The following EPHA6 variants were observed in gnomAD, a reference collection of about 807,000 sequenced individuals.
EPHA6 encodes the protein ephrin type-A receptor 6.
EPHA6 carries 50 observed loss-of-function variants against 112.0 expected under a neutral mutation model. The observed-to-expected ratio is 0.45, with a 90% CI of 0.36 to 0.56. The LOEUF (loss-of-function observed/expected upper bound fraction) is 0.56, where lower values mean the gene tolerates loss of function less well. Ranked by LOEUF, EPHA6 falls within the 20% of genes least tolerant of loss-of-function variation. EPHA6 has a pLI of 0.00. For synonymous variants in EPHA6, 529 were observed against 490.7 expected, an observed-to-expected ratio of 1.08 and a Z score of -1.03; for missense variants, 1,280 against 1,417.4, an observed-to-expected ratio of 0.90 and a Z score of 1.56.
rs542690712 is a variant in EPHA6 at position 97,322,043 on chromosome 3, CGTT to C, written c.1606+77759_1606+77761del. ...CCAGGTCCTAGCTATGAAAATTTAACGTTGTAATTTTATTTGCTGATGAAGAAG... is the reference window on the plus strand; with the variant it reads ...CCAGGTCCTAGCTATGAAAATTTAACGTAATTTTATTTGCTGATGAAGAAG... On this transcript the variant is annotated intron_variant, in intron 5 of 17. Transcript: ENST00000389672. Among the ~76,000 whole-genome samples, 64 of 152,092 alleles carry C rather than the reference CGTT, an allele frequency of 4.2e-4. 1 individual carries two copies. The South Asian group carries it at 0.011, about 26-fold the overall frequency.
chr3:97,422,947 T>C (rs1196822344), intron 6 of EPHA6, among the ~76,000 whole-genome samples: 1 of 152,144 alleles, frequency 6.6e-6, no homozygotes, highest in Admixed American at 6.6e-5. Context: ...TCAGTAAAAT[T>C]CAACATCACT....
intron 14 of EPHA6, among the ~76,000 whole-genome samples, chr3:97,696,779 G>A (rs1173999025): frequency 6.6e-6 from 1 of 152,140 alleles, no homozygotes; most frequent in Non-Finnish European, 1.5e-5. Context: ...GAGGAGGGTA[G>A]TATTATTATC....
At chr3:97,293,740 G>A (rs942765963) in intron 5 of EPHA6, among the ~76,000 whole-genome samples, 1 of 152,176 alleles carries the variant, frequency 6.6e-6, no homozygotes, top group African/African-American at 2.4e-5. Flanking sequence ...GGTAATTCCT[G>A]GCTCACAGGA....
At chr3:97,545,747 TC>T (rs2092936346) in intron 11 of EPHA6, among the ~76,000 whole-genome samples, 1 of 152,242 alleles carries the variant, frequency 6.6e-6, no homozygotes. Context: ...ATCTGGGTGC[TC>T]CTGTATTGGG....
At chr3:97,578,819 G>T (rs1202847516) in intron 11 of EPHA6, among the ~76,000 whole-genome samples, 1 of 152,056 alleles carries the variant, frequency 6.6e-6, no homozygotes, top group Non-Finnish European at 1.5e-5. Context: ...TCATTCAACT[G>T]AATTTTTATA....
chr3:97,169,118 T>C (rs1344501767), intron 3 of EPHA6, among the ~76,000 whole-genome samples: 2 of 152,206 alleles, frequency 1.3e-5, no homozygotes, highest in African/African-American at 2.4e-5. Context: ...ATGTAGTCAA[T>C]TTTTCCTTCA....
intron 11 of EPHA6, among the ~76,000 whole-genome samples, chr3:97,588,499 A>G (rs932789876): frequency 6.6e-6 from 1 of 152,200 alleles, no homozygotes; most frequent in Non-Finnish European, 1.5e-5. Flanking sequence ...TTACTATTAA[A>G]CTTTTTGCCA....
chr3:97,599,665 T>C (rs1420351886), intron 12 of EPHA6, among the ~76,000 whole-genome samples: 1 of 152,052 alleles, frequency 6.6e-6, no homozygotes, highest in Non-Finnish European at 1.5e-5. Flanking sequence ...TTTTGGTTAC[T>C]GTAGCCTTGT....
intron 12 of EPHA6, among the ~76,000 whole-genome samples, chr3:97,608,804 A>T: frequency 6.6e-6 from 1 of 151,344 alleles, no homozygotes; most frequent in East Asian, 1.9e-4. Flanking sequence ...GCATCACTGG[A>T]AAGAATTGAC....
At chr3:96,975,814 A>G (rs535477226) in intron 2 of EPHA6, among the ~76,000 whole-genome samples, 1 of 152,328 alleles carries the variant, frequency 6.6e-6, no homozygotes, top group East Asian at 1.9e-4. Flanking sequence ...CTACTCATAT[A>G]GGTCATGAAA....
At chr3:97,614,142 G>T (rs1368151286) in intron 13 of EPHA6, among the ~76,000 whole-genome samples, 1 of 151,044 alleles carries the variant, frequency 6.6e-6, no homozygotes, top group Non-Finnish European at 1.5e-5. Flanking sequence ...TAAGTTTTAG[G>T]GTACATGTGC....
intron 2 of EPHA6, among the ~76,000 whole-genome samples, chr3:96,883,806 T>A (rs1175209897): frequency 6.6e-6 from 1 of 152,104 alleles, no homozygotes; most frequent in Non-Finnish European, 1.5e-5. Flanking sequence ...CAGCTGAGAT[T>A]ACAGGTACCC....
At chr3:97,369,367 G>T (rs1334076806) in intron 5 of EPHA6, among the ~76,000 whole-genome samples, 1 of 152,158 alleles carries the variant, frequency 6.6e-6, no homozygotes, top group African/African-American at 2.4e-5. Context: ...GGACTGGAGT[G>T]GTGGCAGTGG....
chr3:97,119,083 C>T (rs2047972636), intron 3 of EPHA6, among the ~76,000 whole-genome samples: 1 of 151,916 alleles, frequency 6.6e-6, no homozygotes, highest in Admixed American at 6.6e-5. Flanking sequence ...TAAGCCATGT[C>T]TTAGAAATTT....
chr3:97,073,306 G>T (rs1423689445), intron 3 of EPHA6, among the ~76,000 whole-genome samples: 1 of 152,046 alleles, frequency 6.6e-6, no homozygotes, highest in African/African-American at 2.4e-5. Context: ...TCAATGCCAC[G>T]TGAAATGAAA....
chr3:97,703,572 T>C (rs2033517445), intron 14 of EPHA6, among the ~76,000 whole-genome samples: 1 of 152,330 alleles, frequency 6.6e-6, no homozygotes, highest in East Asian at 1.9e-4. Flanking sequence ...CAACATTGGC[T>C]GTAAAATCAC....
At chr3:97,499,309 C>T (rs1452456441) in intron 10 of EPHA6, among the ~76,000 whole-genome samples, 5 of 152,100 alleles carry the variant, frequency 3.3e-5, no homozygotes, top group Admixed American at 6.6e-5. Context: ...TAATTGTTGC[C>T]TTTATAACTG....
At chr3:97,324,958 C>T (rs1213601601) in intron 5 of EPHA6, among the ~76,000 whole-genome samples, 2 of 152,030 alleles carry the variant, frequency 1.3e-5, no homozygotes, top group Admixed American at 1.3e-4. Context: ...TGAGTTTTAA[C>T]ATTCCAGTGT....
At chr3:96,912,912 G>A (rs917765081) in intron 2 of EPHA6, among the ~76,000 whole-genome samples, 1 of 151,734 alleles carries the variant, frequency 6.6e-6, no homozygotes, top group Non-Finnish European at 1.5e-5. Context: ...ATATTCTCAA[G>A]TCCATAAGCA....
Sources: allele counts gnomAD v4.1 joint callset (sites outside exome capture counted in the v4.1 genomes callset), GRCh38; gene constraint gnomAD v4.1.1; transcripts MANE v1.5; gene names NCBI Gene and HGNC (gene_info 2026-07-23, HGNC 2026-07-21).